NEBL: variants seen among roughly 807,000 people sequenced by gnomAD.
NEBL encodes nebulette.
Under a neutral mutation model 140.2 loss-of-function variants are expected in NEBL, and 122 were observed. The ratio of observed to expected loss-of-function variants is 0.87; its 90% CI spans 0.75 to 1.01. The LOEUF (loss-of-function observed/expected upper bound fraction) is 1.01. NEBL is among the 50% of genes least tolerant of loss of function. NEBL has a pLI of 0.00. For synonymous variants in NEBL, 436 were observed against 398.9 expected (o/e 1.09, Z -1.11); for missense variants, 1,365 against 1,231.3 (o/e 1.11, Z -1.62).
At chr10:21,227,711 T>TTCTTCCTTCTTCTTC (rs1456600511) in intron 3 of NEBL, among the ~76,000 whole-genome samples, 3 of 46,424 alleles carry the variant, frequency 6.5e-5, no homozygotes, top group Non-Finnish European at 1.5e-4. Context: ...CTTCTTCTTC[T>TTCTTCCTTCTTCTTC]TTCTTCTTCT....
chr10:20,798,193 ACAAGGGATAAAG>A (rs1836762071), intron 26 of NEBL, among the ~76,000 whole-genome samples: 1 of 152,130 alleles, frequency 6.6e-6, no homozygotes, highest in Admixed American at 6.5e-5. Context: ...AAATCTCGCC[ACAAGGGATAAAG>A]TACATGACAA....
intron 4 of NEBL, among the ~76,000 whole-genome samples, chr10:20,938,716 G>C (rs1564452737): frequency 6.6e-6 from 1 of 152,158 alleles, no homozygotes; most frequent in Non-Finnish European, 1.5e-5. Flanking sequence ...TGGCTAACTA[G>C]AATAACCAAT....
At chr10:21,189,619 C>A (rs1307585103) in intron 3 of NEBL, among the ~76,000 whole-genome samples, 1 of 151,668 alleles carries the variant, frequency 6.6e-6, no homozygotes, top group Non-Finnish European at 1.5e-5. Context: ...CGCCCGCCAC[C>A]GCGCCCAGCT....
chr10:21,111,474 AAAAC>A (rs1331405696), intron 2 of NEBL, among the ~76,000 whole-genome samples: 1 of 151,632 alleles, frequency 6.6e-6, no homozygotes, highest in Non-Finnish European at 1.5e-5. Flanking sequence ...AAACCTGACA[AAAAC>A]AAGCAATGGG....
chr10:21,083,256 A>G (rs1362457429), intron 2 of NEBL, among the ~76,000 whole-genome samples: 1 of 152,220 alleles, frequency 6.6e-6, no homozygotes, highest in Non-Finnish European at 1.5e-5. Flanking sequence ...ACCCCAGGGT[A>G]AGCAATAGTC....
chr10:20,838,372 T>A (rs1477072482), intron 13 of NEBL, among the ~76,000 whole-genome samples: 1 of 152,170 alleles, frequency 6.6e-6, no homozygotes, highest in Non-Finnish European at 1.5e-5. Context: ...GCAAGAGAAC[T>A]AGAATTAGAA....
intron 3 of NEBL, among the ~76,000 whole-genome samples, chr10:20,994,179 G>A (rs908126978): frequency 2.8e-4 from 42 of 152,226 alleles, no homozygotes; most frequent in African/African-American, 9.6e-4. Flanking sequence ...TTTGAATTAC[G>A]CTGACCTGAA....
intron 4 of NEBL, among the ~76,000 whole-genome samples, chr10:20,948,779 T>TTAA (rs1275563167): frequency 6.6e-6 from 1 of 152,196 alleles, no homozygotes; most frequent in East Asian, 1.9e-4. Context: ...GCCACACTGA[T>TTAA]TCAGCTATTT....
chr10:21,077,623 AAAAT>A (rs925144916), intron 2 of NEBL, among the ~76,000 whole-genome samples: 2 of 152,044 alleles, frequency 1.3e-5, no homozygotes, highest in Admixed American at 6.6e-5. Flanking sequence ...AATAAAAATA[AAAAT>A]AAATAAATAA....
intron 2 of NEBL, among the ~76,000 whole-genome samples, chr10:21,121,755 C>T (rs1838585630): frequency 6.6e-6 from 1 of 152,034 alleles, no homozygotes; most frequent in Non-Finnish European, 1.5e-5. Flanking sequence ...ACAGTTAACT[C>T]CCCTAATTGA....
chr10:20,914,790 A>T (rs1848467645), intron 4 of NEBL, among the ~76,000 whole-genome samples: 1 of 152,152 alleles, frequency 6.6e-6, no homozygotes, highest in South Asian at 2.1e-4. Flanking sequence ...AGACAATTTT[A>T]ATACCAAATT....
chr10:20,792,134 AAAAG>A (rs1312673224), intron 26 of NEBL, among the ~76,000 whole-genome samples: 3 of 151,806 alleles, frequency 2.0e-5, no homozygotes, highest in East Asian at 1.9e-4. Context: ...AAAAAAAAAA[AAAAG>A]AAAGAAAGAA....
At chr10:21,123,127 T>C (rs1348972988) in intron 2 of NEBL, among the ~76,000 whole-genome samples, 2 of 152,206 alleles carry the variant, frequency 1.3e-5, no homozygotes, top group East Asian at 3.9e-4. Flanking sequence ...GAAAGTCACA[T>C]ATACTATCCC....
In NEBL at chr10:21,067,267, A is replaced by G. The variant is rs183638700; in HGVS notation, c.165-47066T>C. Among the ~76,000 whole-genome samples, 95 of 152,232 alleles carry G rather than the reference A, an allele frequency of 6.2e-4. 1 individual carries two copies. The highest frequency in any genetic ancestry group is 1.6e-3 in the African/African-American group (66 of 41,560). On this transcript the variant is annotated intron_variant, in intron 2 of 6. Transcript: ENST00000417816. ...ATTACAGGTGTGAGCCACCGCGCCC[A>G]GCCGAAATAATTTAACTTTTAAAGT...
chr10:21,018,916 T>C (rs1589141299), intron 3 of NEBL, among the ~76,000 whole-genome samples: 3 of 152,194 alleles, frequency 2.0e-5, no homozygotes, highest in African/African-American at 7.2e-5. Context: ...TAATCCCAGC[T>C]ATTGGGGAGG....
At chr10:21,171,165 G>A (rs146526695) in intron 2 of NEBL, among the ~76,000 whole-genome samples, 1,753 of 151,996 alleles carry the variant, frequency 0.012, 12 homozygotes, top group Non-Finnish European at 0.017. Flanking sequence ...GAGAAACCCC[G>A]TCTCTACTAA....
chr10:20,920,133 T>G (rs1833511064), intron 4 of NEBL, among the ~76,000 whole-genome samples: 1 of 152,118 alleles, frequency 6.6e-6, no homozygotes. Flanking sequence ...TAGCAAAAAC[T>G]CCAAAGTTTA....
At chr10:21,242,648 C>T (rs898925042) in intron 3 of NEBL, among the ~76,000 whole-genome samples, 1 of 151,998 alleles carries the variant, frequency 6.6e-6, no homozygotes, top group Non-Finnish European at 1.5e-5. Context: ...CTGTACTGGC[C>T]GAGAGGTGCA....
intron 5 of NEBL, among the ~76,000 whole-genome samples, chr10:20,871,655 A>G (rs1844947584): frequency 6.6e-6 from 1 of 152,162 alleles, no homozygotes; most frequent in Admixed American, 6.6e-5. Flanking sequence ...CTGAAACACA[A>G]TTAGTATAAT....
Sources: gnomAD v4.1 joint callset for allele counts (sites outside exome capture counted in the v4.1 genomes callset) on GRCh38, gnomAD v4.1.1 for gene constraint, MANE v1.5 for transcripts, NCBI Gene and HGNC (gene_info 2026-07-23, HGNC 2026-07-21) for gene names.